GPC6: variants seen among roughly 807,000 people sequenced by gnomAD.
The protein encoded by GPC6 is glypican-6.
Under a neutral mutation model 55.2 loss-of-function variants are expected in GPC6, and 14 were observed. That is an observed-to-expected ratio of 0.25 (90% confidence interval 0.17 to 0.40). The LOEUF is 0.40. Among genes scored for constraint, GPC6 ranks in the 10% least tolerant of loss-of-function variants. The pLI is 1.00. For missense variants in GPC6, 641 were observed against 708.5 expected (o/e 0.90, Z 1.08); for synonymous variants, 278 against 259.6 (o/e 1.07, Z -0.68).
intron 1 of GPC6, among the ~76,000 whole-genome samples, chr13:93,248,164 G>T (rs542568123): frequency 3.3e-5 from 5 of 152,036 alleles, no homozygotes; most frequent in African/African-American, 4.8e-5. Context: ...TATAACAAAG[G>T]GTTGACTATA....
At chr13:94,370,690 T>C (rs1038768486) in intron 6 of GPC6, among the ~76,000 whole-genome samples, 4 of 152,220 alleles carry the variant, frequency 2.6e-5, no homozygotes, top group Non-Finnish European at 5.9e-5. Context: ...CCCTGTGCTA[T>C]AGACTGGCGA....
At chr13:93,874,952 C>T (rs544910166) in intron 3 of GPC6, among the ~76,000 whole-genome samples, 11 of 151,930 alleles carry the variant, frequency 7.2e-5, no homozygotes, top group South Asian at 2.1e-4. Flanking sequence ...CTGACACACA[C>T]GTCTAGGAGG....
At chr13:93,902,625 C>T (rs1033738976) in intron 3 of GPC6, among the ~76,000 whole-genome samples, 3 of 152,066 alleles carry the variant, frequency 2.0e-5, no homozygotes, top group African/African-American at 4.8e-5. Flanking sequence ...TTTGAGGAAA[C>T]GTCATCCTGT....
intron 6 of GPC6, among the ~76,000 whole-genome samples, chr13:94,372,876 C>T (rs570725084): frequency 9.9e-4 from 150 of 152,280 alleles, no homozygotes; most frequent in African/African-American, 2.0e-3. Context: ...TGAGAATGGG[C>T]AGACTGCCTC....
intron 1 of GPC6, among the ~76,000 whole-genome samples, chr13:93,261,866 A>C (rs1023980454): frequency 2.0e-5 from 3 of 151,536 alleles, no homozygotes; most frequent in Admixed American, 2.0e-4. Flanking sequence ...CAGATAAATA[A>C]AGATGAGGTA....
At chr13:94,203,454 T>C (rs9561513) in intron 4 of GPC6, among the ~76,000 whole-genome samples, 6,917 of 152,196 alleles carry the variant, frequency 0.045, 205 homozygotes, top group South Asian at 0.15. Context: ...ATTATAACTT[T>C]CTGTTGTTTT....
chr13:93,368,390 GTCCTTCCTTCCTTCCTTCCTTCCT>G (rs1168320888), intron 1 of GPC6, among the ~76,000 whole-genome samples: 1 of 56,288 alleles, frequency 1.8e-5, no homozygotes, highest in South Asian at 7.9e-4. Flanking sequence ...CCTTCCTTCC[GTCCTTCCTTCCTTCCTTCCTTCCT>G]TCCATCCTTC....
intron 1 of GPC6, among the ~76,000 whole-genome samples, chr13:93,242,656 G>A (rs766173392): frequency 3.9e-5 from 6 of 152,170 alleles, no homozygotes; most frequent in Non-Finnish European, 7.4e-5. Flanking sequence ...CCACTCAGCT[G>A]AGCACTGTGC....
rs1412910752 is a variant in GPC6 at position 93,859,611 on chromosome 13, G to A, written c.711+29066G>A. On this transcript the variant is annotated intron_variant, in intron 3 of 8. Transcript: ENST00000377047. ...TATCATTTTGACCAAGAGAAAGATA[G>A]CACGTATAATTACGCATCAGTAGTT... Among the ~76,000 whole-genome samples the A allele has an allele frequency of 2.0e-5, 3 of 151,632 alleles. No individual in the cohort carries two copies. The East Asian group carries it at 5.9e-4, about 30-fold the overall frequency.
chr13:93,294,686 C>G (rs539013987), intron 1 of GPC6, among the ~76,000 whole-genome samples: 45 of 152,254 alleles, frequency 3.0e-4, no homozygotes, highest in African/African-American at 1.0e-3. Context: ...TACATAATAA[C>G]AAAGATCTGA....
chr13:93,693,588 C>G (rs1882341556), intron 2 of GPC6, among the ~76,000 whole-genome samples: 1 of 151,998 alleles, frequency 6.6e-6, no homozygotes, highest in Non-Finnish European at 1.5e-5. Flanking sequence ...AAGCAATCCT[C>G]CCACCTCAGC....
intron 1 of GPC6, among the ~76,000 whole-genome samples, chr13:93,401,146 G>A (rs1876056281): frequency 7.0e-6 from 1 of 142,368 alleles, no homozygotes; most frequent in African/African-American, 2.6e-5. Context: ...GAAGGGCAGA[G>A]GTATTTGTCG....
intron 3 of GPC6, among the ~76,000 whole-genome samples, chr13:93,833,847 A>G (rs7983205): frequency 0.42 from 64,264 of 151,926 alleles, 14,824 homozygotes; most frequent in African/African-American, 0.6. Flanking sequence ...TCTAGCCTTC[A>G]GATGGGGCCA....
At position 93,678,130 on chromosome 13, in the gene GPC6, G is replaced by A. The variant is rs74111527; in HGVS notation, c.319+132709G>A. Among the ~76,000 whole-genome samples, 435 of 152,058 alleles carry A rather than the reference G, an allele frequency of 2.9e-3. 4 individuals are homozygous for A. Among genetic ancestry groups the A allele is most frequent in the African/African-American group, 9.7e-3 (401 of 41,464 alleles). ...ATTTACAGGCAAAAAATGTGAAATTGTATCTATATTGTTCACCATTTTTTT... is the reference window on the plus strand; with the variant it reads ...ATTTACAGGCAAAAAATGTGAAATTATATCTATATTGTTCACCATTTTTTT... On this transcript the variant is annotated intron_variant, in intron 2 of 8. Transcript: ENST00000377047.
chr13:93,766,756 TG>T (rs1255730801), intron 2 of GPC6, among the ~76,000 whole-genome samples: 1 of 152,142 alleles, frequency 6.6e-6, no homozygotes, highest in African/African-American at 2.4e-5. Context: ...TTGGGCATCT[TG>T]TTGAAACAGT....
At chr13:93,893,445 T>C (rs1194404732) in intron 3 of GPC6, among the ~76,000 whole-genome samples, 2 of 152,142 alleles carry the variant, frequency 1.3e-5, no homozygotes, top group Non-Finnish European at 2.9e-5. Context: ...CAGAAATATC[T>C]AAAACAATCT....
chr13:93,502,111 T>C (rs1266857192), intron 1 of GPC6, among the ~76,000 whole-genome samples: 1 of 152,144 alleles, frequency 6.6e-6, no homozygotes, highest in Non-Finnish European at 1.5e-5. Context: ...GTTCATTAAG[T>C]AGCAATATGT....
intron 4 of GPC6, among the ~76,000 whole-genome samples, chr13:94,190,590 A>G (rs1889359442): frequency 6.6e-6 from 1 of 152,168 alleles, no homozygotes; most frequent in Non-Finnish European, 1.5e-5. Flanking sequence ...AAATGGTTGA[A>G]AGGATTTGAC....
chr13:93,780,914 G>A (rs1166843391), intron 2 of GPC6, among the ~76,000 whole-genome samples: 3 of 152,040 alleles, frequency 2.0e-5, no homozygotes, highest in Non-Finnish European at 4.4e-5. Flanking sequence ...CCTACATTGT[G>A]TAAAGTACTG....
Sources: allele counts gnomAD v4.1 joint callset (sites outside exome capture counted in the v4.1 genomes callset), GRCh38; gene constraint gnomAD v4.1.1; transcripts MANE v1.5; gene names NCBI Gene and HGNC (gene_info 2026-07-23, HGNC 2026-07-21).